BASP1: variants seen among roughly 807,000 people sequenced by gnomAD.
BASP1 encodes the protein brain abundant membrane attached signal protein 1.
Under a neutral mutation model 2.2 loss-of-function variants are expected in BASP1, and 1 was observed. The observed-to-expected ratio is 0.46, with a 90% confidence interval of 0.16 to 2.17. The LOEUF is 2.17. Among genes scored for constraint, BASP1 ranks in the 30% most tolerant of loss-of-function variants. BASP1 has a pLI of 0.27. For missense variants in BASP1, 352 were observed against 327.2 expected (o/e 1.08, Z -0.58); for synonymous variants, 187 against 154.2 (o/e 1.21, Z -1.58).
chr5:17,268,267 CAAAT>C (rs1016734590), intron 1 of BASP1, among the ~76,000 whole-genome samples: 7 of 152,244 alleles, frequency 4.6e-5, no homozygotes, highest in Non-Finnish European at 8.8e-5. Flanking sequence ...ACAAGTCAAA[CAAAT>C]AAAATATTTC....
intron 1 of BASP1, among the ~76,000 whole-genome samples, chr5:17,261,870 C>CT (rs1263303242): frequency 6.6e-6 from 1 of 152,186 alleles, no homozygotes; most frequent in Non-Finnish European, 1.5e-5. Flanking sequence ...ACCATTGTGG[C>CT]TTTCTCTTCT....
At chr5:17,223,524 ACTC>A (rs1364883430) in intron 1 of BASP1, among the ~76,000 whole-genome samples, 6 of 151,282 alleles carry the variant, frequency 4.0e-5, no homozygotes, top group African/African-American at 1.2e-4. Flanking sequence ...GGTTTAGAAA[ACTC>A]CTCCAGGTGT....
intron 1 of BASP1, among the ~76,000 whole-genome samples, chr5:17,228,257 T>C (rs1405225447): frequency 6.6e-6 from 1 of 152,242 alleles, no homozygotes; most frequent in African/African-American, 2.4e-5. Context: ...TGATTTCATC[T>C]GTACCAAAGT....
At chr5:17,244,694 GTTTTT>G (rs79126102) in intron 1 of BASP1, among the ~76,000 whole-genome samples, 30 of 138,304 alleles carry the variant, frequency 2.2e-4, no homozygotes, top group Admixed American at 2.0e-3. Context: ...TAATTGTAGT[GTTTTT>G]TTTTTTTTTT....
intron 1 of BASP1, among the ~76,000 whole-genome samples, chr5:17,232,239 T>C (rs1473249953): frequency 1.3e-5 from 2 of 152,226 alleles, no homozygotes; most frequent in South Asian, 4.1e-4. Context: ...GAGTGAAAGC[T>C]GAGGATGATT....
At chr5:17,262,371 G>T (rs1233291393) in intron 1 of BASP1, among the ~76,000 whole-genome samples, 1 of 152,124 alleles carries the variant, frequency 6.6e-6, no homozygotes, top group Non-Finnish European at 1.5e-5. Context: ...AAACCTTAAC[G>T]TTAACCTGGT....
At chr5:17,272,684 A>G (rs1740554112) in intron 1 of BASP1, among the ~76,000 whole-genome samples, 2 of 152,086 alleles carry the variant, frequency 1.3e-5, no homozygotes, top group South Asian at 4.1e-4. Context: ...AAATTAGCAA[A>G]ATGCCAGGGG....
chr5:17,220,463 T>C lies in BASP1; in HGVS notation c.-10+2653T>C, dbSNP rs551290129. Among the ~76,000 whole-genome samples the C allele has an allele frequency of 2.6e-5, 4 of 152,354 alleles. No homozygotes were observed. The East Asian group carries it at 7.7e-4, about 29-fold the overall frequency. ...TCTTAGGTTTTTGAGTGAGATAATA[T>C]TTAAATCGATTTTTAAAAATTATTA... On this transcript the variant is annotated intron_variant, in intron 1 of 1. Coordinates refer to ENST00000322611, the MANE Select transcript of BASP1 (RefSeq NM_006317.5).
chr5:17,227,643 A>T (rs970434332), intron 1 of BASP1, among the ~76,000 whole-genome samples: 6 of 152,038 alleles, frequency 3.9e-5, no homozygotes, highest in African/African-American at 1.4e-4. Flanking sequence ...ACCTCAAGTG[A>T]TCTGCTCTCC....
At chr5:17,263,535 C>T (rs886584934) in intron 1 of BASP1, among the ~76,000 whole-genome samples, 7 of 152,178 alleles carry the variant, frequency 4.6e-5, no homozygotes, top group African/African-American at 1.7e-4. Flanking sequence ...GATGAGAGAT[C>T]CCCAAAGACC....
intron 1 of BASP1, among the ~76,000 whole-genome samples, chr5:17,269,169 C>T (rs1275484535): frequency 1.3e-5 from 2 of 152,170 alleles, no homozygotes; most frequent in African/African-American, 4.8e-5. Flanking sequence ...TTATGGCCTT[C>T]CTAGGCATGA....
intron 1 of BASP1, among the ~76,000 whole-genome samples, chr5:17,218,088 G>A (rs938709985): frequency 4.6e-5 from 7 of 151,970 alleles, no homozygotes; most frequent in African/African-American, 1.7e-4. Flanking sequence ...ACGGAGCTGG[G>A]GGGAGGGGGC....
chr5:17,256,784 C>T (rs1267896836), intron 1 of BASP1, among the ~76,000 whole-genome samples: 1 of 152,160 alleles, frequency 6.6e-6, no homozygotes, highest in Non-Finnish European at 1.5e-5. Flanking sequence ...ATACTGGTGG[C>T]TGACTTGTGG....
chr5:17,246,861 C>T (rs1740000856), intron 1 of BASP1, among the ~76,000 whole-genome samples: 1 of 152,150 alleles, frequency 6.6e-6, no homozygotes, highest in African/African-American at 2.4e-5. Context: ...TGAGAATCAC[C>T]CTGCCTTCCA....
rs1217608734 is a variant in BASP1, at chr5:17,260,606, C to A, written c.-9-14602C>A. ...TTAGTTTATTGATTTTTTTCTACTG[C>A]TGGTGAAAGGTAAGTTACATAACCC... On this transcript the variant is annotated intron_variant, in intron 1 of 1. Coordinates refer to ENST00000322611, the MANE Select transcript of BASP1 (RefSeq NM_006317.5). This position sits in a 1 kb window ranked among gnomAD's most constrained non-coding sequence, Gnocchi z 4.2. Among the ~76,000 whole-genome samples the A allele has an allele frequency of 6.6e-6, 1 of 152,110 alleles. No individual in the cohort carries two copies. The highest frequency in any genetic ancestry group is 6.5e-5 in the Admixed American group (1 of 15,270).
At chr5:17,256,961 A>G (rs945100154) in intron 1 of BASP1, among the ~76,000 whole-genome samples, 2 of 152,232 alleles carry the variant, frequency 1.3e-5, no homozygotes, top group Non-Finnish European at 2.9e-5. Context: ...GTGAAACAGA[A>G]TATGGCACAT....
Position 17,243,651 on chromosome 5 carries a change from A to G in BASP1, c.-10+25841A>G, listed in dbSNP as rs140471206. On this transcript the variant is annotated intron_variant, in intron 1 of 1. Coordinates refer to ENST00000322611, the MANE Select transcript of BASP1 (RefSeq NM_006317.5). Reference sequence around the variant, plus strand: ...TTTATAGCATTCACAACACATGGTCATTATTTTATTTGTGAATTTGTCTTA... The same window carrying G: ...TTTATAGCATTCACAACACATGGTCGTTATTTTATTTGTGAATTTGTCTTA... Among the ~76,000 whole-genome samples the G allele has an allele frequency of 1.4e-3, 214 of 152,276 alleles. 2 individuals are homozygous for G. In the East Asian group the frequency reaches 0.035, roughly 25 times the overall value.
At chr5:17,234,389 A>G (rs1289962580) in intron 1 of BASP1, among the ~76,000 whole-genome samples, 1 of 152,206 alleles carries the variant, frequency 6.6e-6, no homozygotes, top group African/African-American at 2.4e-5. Context: ...AGTAAAAAAA[A>G]AAATTATATA....
chr5:17,271,722 C>T (rs577163999), intron 1 of BASP1, among the ~76,000 whole-genome samples: 1 of 152,274 alleles, frequency 6.6e-6, no homozygotes, highest in East Asian at 1.9e-4. Flanking sequence ...GAAGTTCCAA[C>T]TTCTAACTTT....
Sources: allele counts gnomAD v4.1 joint callset (sites outside exome capture counted in the v4.1 genomes callset), GRCh38; gene constraint gnomAD v4.1.1; non-coding constraint Gnocchi (gnomAD v3.1); transcripts MANE v1.5; gene names NCBI Gene and HGNC (gene_info 2026-07-23, HGNC 2026-07-21).